TRPM3: variants seen among roughly 807,000 people sequenced by gnomAD.
The protein encoded by TRPM3 is long transient receptor potential channel 3.
Under a neutral mutation model 181.2 loss-of-function variants are expected in TRPM3, and 77 were observed. The observed-to-expected ratio is 0.42, with a 90% confidence interval of 0.35 to 0.51. TRPM3 has a LOEUF of 0.51. TRPM3 is among the 20% of genes least tolerant of loss of function. The pLI, the probability that TRPM3 is intolerant of heterozygous loss-of-function variation, is 0.01. For synonymous variants in TRPM3, 745 were observed against 796.4 expected (o/e 0.94, Z 1.09); for missense variants, 1,759 against 2,196.7 (o/e 0.80, Z 3.98).
At chr9:71,371,654 T>A (rs933333854) in intron 1 of TRPM3, among the ~76,000 whole-genome samples, 2 of 152,194 alleles carry the variant, frequency 1.3e-5, no homozygotes, top group Admixed American at 1.3e-4. Context: ...AGGTGAACAC[T>A]GTTGAAATGA....
intron 1 of TRPM3, among the ~76,000 whole-genome samples, chr9:70,937,858 C>T (rs1271944462): frequency 7.6e-6 from 1 of 131,658 alleles, no homozygotes; most frequent in Non-Finnish European, 1.5e-5. Flanking sequence ...GATATTCATA[C>T]TAAAAGCTAG....
intron 1 of TRPM3, among the ~76,000 whole-genome samples, chr9:71,126,684 A>C (rs2074049627): frequency 1.3e-5 from 2 of 152,234 alleles, no homozygotes; most frequent in Non-Finnish European, 1.5e-5. Flanking sequence ...TCACTTTGTT[A>C]AGTAGGTTAA....
chr9:71,064,181 G>A (rs1003895545), intron 1 of TRPM3, among the ~76,000 whole-genome samples: 1 of 151,990 alleles, frequency 6.6e-6, no homozygotes, highest in Non-Finnish European at 1.5e-5. Flanking sequence ...CCTTTTACCT[G>A]GGAATTTATT....
chr9:70,671,014 T>C (rs1467807407), intron 9 of TRPM3, among the ~76,000 whole-genome samples: 2 of 152,178 alleles, frequency 1.3e-5, no homozygotes, highest in East Asian at 3.9e-4. Context: ...ATATATTGAA[T>C]TCCGACTCTA....
intron 8 of TRPM3, among the ~76,000 whole-genome samples, chr9:70,690,144 G>A (rs1329346817): frequency 1.3e-5 from 2 of 152,046 alleles, no homozygotes; most frequent in African/African-American, 2.4e-5. Flanking sequence ...AGGACAGTTT[G>A]GTTCAATCTA....
chr9:71,272,033 G>C (rs1395471445), intron 1 of TRPM3, among the ~76,000 whole-genome samples: 1 of 152,116 alleles, frequency 6.6e-6, no homozygotes, highest in South Asian at 2.1e-4. Flanking sequence ...GTTAACGGAG[G>C]GGGTATATTT....
chr9:71,168,286 T>C (rs530581707), intron 1 of TRPM3, among the ~76,000 whole-genome samples: 1 of 152,278 alleles, frequency 6.6e-6, no homozygotes, highest in East Asian at 1.9e-4. Flanking sequence ...TAATCTAGTT[T>C]TCACTCTTTT....
At chr9:70,992,793 T>C (rs2097501630) in intron 1 of TRPM3, among the ~76,000 whole-genome samples, 1 of 152,044 alleles carries the variant, frequency 6.6e-6, no homozygotes, top group Non-Finnish European at 1.5e-5. Flanking sequence ...AATAAATAAA[T>C]CAGAAAACAA....
At chr9:71,236,410 C>A (rs2081352957) in intron 1 of TRPM3, among the ~76,000 whole-genome samples, 1 of 152,096 alleles carries the variant, frequency 6.6e-6, no homozygotes, top group Admixed American at 6.6e-5. Context: ...CTCCCCACAC[C>A]ACCCTCTACC....
intron 1 of TRPM3, among the ~76,000 whole-genome samples, chr9:71,330,230 GA>G (rs929224935): frequency 6.6e-6 from 1 of 151,800 alleles, no homozygotes; most frequent in Non-Finnish European, 1.5e-5. Context: ...CTGAATCTGT[GA>G]AAAACTAGAT....
At chr9:71,164,221 A>G (rs73647955) in intron 1 of TRPM3, among the ~76,000 whole-genome samples, 2,892 of 152,340 alleles carry the variant, frequency 0.019, 105 homozygotes, top group African/African-American at 0.066. Context: ...AAGCTAATTT[A>G]CCAACCAATT....
intron 5 of TRPM3, among the ~76,000 whole-genome samples, chr9:70,828,391 T>C (rs1368867973): frequency 6.6e-6 from 1 of 152,184 alleles, no homozygotes; most frequent in Non-Finnish European, 1.5e-5. Context: ...CCTTTCTCTA[T>C]CATGTCCATA....
chr9:70,946,663 T>A (rs1243078783), intron 1 of TRPM3, among the ~76,000 whole-genome samples: 1 of 152,072 alleles, frequency 6.6e-6, no homozygotes, highest in Non-Finnish European at 1.5e-5. Flanking sequence ...GTAACAAGCA[T>A]CTAGACCATG....
rs3041781 is a variant in TRPM3 at position 71,320,319 on chromosome 9, T to TAA, written c.183+126332_183+126333dup. On this transcript the variant is annotated intron_variant, in intron 1 of 24. Transcript: ENST00000357533. ...TTGCAAACATATTTGCAATGTTAAT[T>TAA]AAAAAAAAAAAAACAAATGCTTATT... Among the ~76,000 whole-genome samples the TAA allele has an allele frequency of 8.3e-3, 1,175 of 141,862 alleles. 23 individuals are homozygous for TAA. Among genetic ancestry groups the TAA allele is most frequent in the African/African-American group, 0.028 (1,096 of 38,686 alleles). 93.1% of individuals were successfully genotyped at this position (141,862 alleles called of 152,430 possible).
intron 1 of TRPM3, among the ~76,000 whole-genome samples, chr9:71,166,628 T>G (rs961898484): frequency 6.6e-6 from 1 of 152,202 alleles, no homozygotes; most frequent in Non-Finnish European, 1.5e-5. Flanking sequence ...ATGGAAATTT[T>G]AAAGCTGTGA....
intron 1 of TRPM3, among the ~76,000 whole-genome samples, chr9:71,045,923 C>T (rs947254735): frequency 6.6e-6 from 1 of 151,796 alleles, no homozygotes; most frequent in Non-Finnish European, 1.5e-5. Flanking sequence ...GTAACACCTC[C>T]TAGACCTTTC....
chr9:71,238,305 T>C (rs1670524941), intron 1 of TRPM3, among the ~76,000 whole-genome samples: 1 of 152,150 alleles, frequency 6.6e-6, no homozygotes, highest in African/African-American at 2.4e-5. Flanking sequence ...CACATCATTC[T>C]CTAACTCAGG....
chr9:71,371,987 C>A (rs1296765945), intron 1 of TRPM3, among the ~76,000 whole-genome samples: 12 of 152,082 alleles, frequency 7.9e-5, no homozygotes, highest in South Asian at 2.1e-4. Context: ...TTCCCACATC[C>A]CCCCCACAGG....
At chr9:71,048,887 C>T (rs1417246032) in intron 1 of TRPM3, among the ~76,000 whole-genome samples, 1 of 152,164 alleles carries the variant, frequency 6.6e-6, no homozygotes, top group Non-Finnish European at 1.5e-5. Flanking sequence ...CTAGAAATCA[C>T]TTAATGGAAA....
Sources: gnomAD v4.1 joint callset for allele counts (sites outside exome capture counted in the v4.1 genomes callset) on GRCh38, gnomAD v4.1.1 for gene constraint, MANE v1.5 for transcripts, NCBI Gene and HGNC (gene_info 2026-07-23, HGNC 2026-07-21) for gene names.